The following CSGALNACT1 variants were observed in gnomAD, a reference collection of about 807,000 sequenced individuals.
CSGALNACT1 encodes the protein chondroitin sulfate N-acetylgalactosaminyltransferase 1, also known as beta4GalNAcT-1.
A neutral mutation model predicts 51.0 loss-of-function variants in CSGALNACT1; 52 were observed. The ratio of observed to expected loss-of-function variants is 1.02; its 90% CI spans 0.82 to 1.29. The LOEUF (loss-of-function observed/expected upper bound fraction) is 1.29. CSGALNACT1 is among the 50% of genes most tolerant of loss of function. CSGALNACT1 has a pLI of 0.00. For missense variants in CSGALNACT1, 935 were observed against 679.2 expected (o/e 1.38, Z -4.19); for synonymous variants, 341 against 254.4 (o/e 1.34, Z -3.24).
intron 4 of CSGALNACT1, among the ~76,000 whole-genome samples, chr8:19,478,743 A>C (rs2070518142): frequency 6.6e-6 from 1 of 152,222 alleles, no homozygotes; most frequent in African/African-American, 2.4e-5. Context: ...CCACTGCTAT[A>C]AATTGCTTCA....
chr8:19,468,113 T>C (rs2067141670), intron 4 of CSGALNACT1, among the ~76,000 whole-genome samples: 1 of 151,988 alleles, frequency 6.6e-6, no homozygotes, highest in African/African-American at 2.4e-5. Flanking sequence ...CTGCCCATGG[T>C]ATAAGGGAAC....
At chr8:19,746,723 G>A (rs1296396272) in intron 1 of CSGALNACT1, among the ~76,000 whole-genome samples, 2 of 152,184 alleles carry the variant, frequency 1.3e-5, no homozygotes. Flanking sequence ...ATTAAATGAA[G>A]CCTACAAGTC....
intron 1 of CSGALNACT1, among the ~76,000 whole-genome samples, chr8:19,612,080 C>G (rs944019324): frequency 1.3e-5 from 2 of 152,214 alleles, no homozygotes; most frequent in South Asian, 4.1e-4. Context: ...CAGTGGTTCA[C>G]GCCTATAATC....
intron 1 of CSGALNACT1, among the ~76,000 whole-genome samples, chr8:19,669,768 C>T (rs1168457031): frequency 6.6e-6 from 1 of 152,198 alleles, no homozygotes; most frequent in Non-Finnish European, 1.5e-5. Flanking sequence ...GGCCACTGTG[C>T]CCAGCTGTAA....
chr8:19,422,045 A>G (rs2058035957), intron 6 of CSGALNACT1, among the ~76,000 whole-genome samples: 1 of 152,158 alleles, frequency 6.6e-6, no homozygotes, highest in African/African-American at 2.4e-5. Flanking sequence ...GATTTGAGGC[A>G]AGTCACTCTA....
intron 3 of CSGALNACT1, among the ~76,000 whole-genome samples, chr8:19,577,401 C>CAAAAAAAAAAAAAAAAAAATAAAAAAA: frequency 9.6e-6 from 1 of 104,266 alleles, no homozygotes; most frequent in South Asian, 3.1e-4. Flanking sequence ...CCCACCTCTA[C>CAAAAAAAAAAAAAAAAAAATAAAAAAA]AAAAAAAAAA....
At chr8:19,614,500 G>A (rs763028157) in intron 1 of CSGALNACT1, among the ~76,000 whole-genome samples, 5 of 152,246 alleles carry the variant, frequency 3.3e-5, no homozygotes, top group Non-Finnish European at 4.4e-5. Context: ...GATGAGTAAA[G>A]TACAATCATC....
At chr8:19,607,089 A>T (rs2051488527), upstream of CSGALNACT1, among the ~76,000 whole-genome samples, 1 of 151,432 alleles carries the variant, frequency 6.6e-6, no homozygotes, top group South Asian at 2.1e-4. Context: ...CAGGAGGCAG[A>T]GTGTGCAGCG....
intron 8 of CSGALNACT1, among the ~76,000 whole-genome samples, chr8:19,413,596 CA>C (rs1003050910): frequency 6.6e-6 from 1 of 152,120 alleles, no homozygotes; most frequent in African/African-American, 2.4e-5. Context: ...TGGCAATTTA[CA>C]AAAAGGTTTC....
At chr8:19,489,031 A>G (rs1371288474) in intron 4 of CSGALNACT1, among the ~76,000 whole-genome samples, 2 of 152,190 alleles carry the variant, frequency 1.3e-5, no homozygotes, top group Non-Finnish European at 2.9e-5. Context: ...GAAGGGCAAA[A>G]GATGTATCTC....
At chr8:19,669,414 A>G (rs1343413348) in intron 1 of CSGALNACT1, among the ~76,000 whole-genome samples, 2 of 152,196 alleles carry the variant, frequency 1.3e-5, no homozygotes, top group South Asian at 2.1e-4. Context: ...CAAACCAAAT[A>G]AAAACTGTAA....
intron 6 of CSGALNACT1, 89 bp from the exon 6 acceptor site, chr8:19,420,607 C>A: frequency 7.3e-7 from 1 of 1,371,662 alleles, no homozygotes; most frequent in Non-Finnish European, 1.0e-6. Context: ...CCATCCACAT[C>A]TTGACCCATT....
intron 4 of CSGALNACT1, among the ~76,000 whole-genome samples, chr8:19,478,135 CCGGGT>C (rs201353960): frequency 1.7e-5 from 2 of 121,066 alleles, no homozygotes; most frequent in Admixed American, 2.0e-4. Flanking sequence ...CATGTCTGGG[CCGGGT>C]GCGGTGGCTC....
intron 3 of CSGALNACT1, among the ~76,000 whole-genome samples, chr8:19,577,558 C>A (rs2044547314): frequency 6.8e-6 from 1 of 147,394 alleles, no homozygotes; most frequent in African/African-American, 2.6e-5. Context: ...GACCCTATCT[C>A]AAAAAAAAAA....
chr8:19,438,621 T>C (rs1237825003), intron 6 of CSGALNACT1, among the ~76,000 whole-genome samples: 1 of 152,190 alleles, frequency 6.6e-6, no homozygotes, highest in Non-Finnish European at 1.5e-5. Flanking sequence ...AGTTTAGGCT[T>C]TGTGAGTCAC....
chr8:19,476,161 G>C (rs2069565193), intron 4 of CSGALNACT1, among the ~76,000 whole-genome samples: 1 of 152,182 alleles, frequency 6.6e-6, no homozygotes, highest in Non-Finnish European at 1.5e-5. Flanking sequence ...TCAGATGATA[G>C]TTTAAGAAAT....
chr8:19,486,254 A>G (rs1404715782), intron 4 of CSGALNACT1, among the ~76,000 whole-genome samples: 1 of 151,874 alleles, frequency 6.6e-6, no homozygotes, highest in African/African-American at 2.4e-5. Context: ...TTTGGTTGTC[A>G]CTTGTTACCA....
chr8:19,739,187 G>GT (rs1387288102), intron 1 of CSGALNACT1, among the ~76,000 whole-genome samples: 1 of 151,682 alleles, frequency 6.6e-6, no homozygotes, highest in Non-Finnish European at 1.5e-5. Flanking sequence ...AGTAGGCCCT[G>GT]TAATTTTCTG....
At chr8:19,561,177 A>C (rs1371029753) in intron 3 of CSGALNACT1, among the ~76,000 whole-genome samples, 1 of 152,152 alleles carries the variant, frequency 6.6e-6, no homozygotes, top group Non-Finnish European at 1.5e-5. Flanking sequence ...AGAGGAAAGG[A>C]GTGTGATCAG....
Sources: allele counts gnomAD v4.1 joint callset (sites outside exome capture counted in the v4.1 genomes callset), GRCh38; gene constraint gnomAD v4.1.1; transcripts MANE v1.5; gene names NCBI Gene and HGNC (gene_info 2026-07-23, HGNC 2026-07-21).